The following CPB2 variants were observed in gnomAD, a reference collection of about 807,000 sequenced individuals.
CPB2 encodes the protein carboxypeptidase B2.
In CPB2, 54 loss-of-function variants were observed where a neutral mutation model predicts 57.0. That is an observed-to-expected ratio of 0.95 (90% CI 0.76 to 1.19). The LOEUF (loss-of-function observed/expected upper bound fraction) is 1.19, where lower values mean the gene tolerates loss of function less well. Among genes scored for constraint, CPB2 ranks in the 50% most tolerant of loss-of-function variants. The pLI is 0.00. For synonymous variants in CPB2, 189 were observed against 178.1 expected (o/e 1.06, Z -0.49); for missense variants, 426 against 512.0 (o/e 0.83, Z 1.62).
intron 3 of CPB2, 90 bp from the exon 4 acceptor site, chr13:46,082,639 A>G (rs926564964): frequency 4.3e-5 from 31 of 728,834 alleles, no homozygotes; most frequent in African/African-American, 7.0e-5. Flanking sequence ...GTGAGCATGA[A>G]GAAAAAAAAT....
intron 5 of CPB2, among the ~76,000 whole-genome samples, chr13:46,075,514 C>A (rs2139378980): frequency 6.6e-6 from 1 of 152,326 alleles, no homozygotes; most frequent in East Asian, 1.9e-4. Flanking sequence ...GGACTACACA[C>A]AACATGGCTG....
chr13:46,104,987 A>ACTGCAAGG lies in CPB2; in HGVS notation c.15_22dup (p.Val8AlafsTer25), dbSNP rs749986798. On this transcript the variant is annotated frameshift_variant, in exon 1 of 11. Coordinates refer to ENST00000181383, the MANE Select transcript of CPB2 (RefSeq NM_001872.5). LOFTEE classifies it high-confidence loss of function. The stretch of plus-strand genomic sequence containing the variant: ...ACAGAAGAGAACAATGGGTACAAGG[A>ACTGCAAGG]CTGCAAGGCTGCAAAGCTTCATCCC... 2.5e-6 allele frequency: 4 copies of ACTGCAAGG among 1,614,018 alleles called. No individual in the cohort carries two copies. Among genetic ancestry groups the ACTGCAAGG allele is most frequent in the Admixed American group, 3.3e-5 (2 of 59,994 alleles).
chr13:46,077,673 C>T (rs1005199366), intron 5 of CPB2, among the ~76,000 whole-genome samples: 1 of 136,922 alleles, frequency 7.3e-6, no homozygotes, highest in African/African-American at 2.8e-5. Flanking sequence ...TAGAATCAAC[C>T]TAAGTGTTCT....
At chr13:46,094,463 G>T (rs1372540347) in intron 1 of CPB2, among the ~76,000 whole-genome samples, 1 of 152,164 alleles carries the variant, frequency 6.6e-6, no homozygotes, top group East Asian at 1.9e-4. Context: ...ACTACCCTAG[G>T]TTATTGGCTT....
At chr13:46,089,150 C>CT (rs5803328) in intron 1 of CPB2, among the ~76,000 whole-genome samples, 48,790 of 150,776 alleles carry the variant, frequency 0.32, 8,008 homozygotes, top group Middle Eastern at 0.38. Context: ...AAATAGACTT[C>CT]TTTTTTTTTC....
chr13:46,086,398 G>A (rs1266582382), intron 2 of CPB2, among the ~76,000 whole-genome samples: 2 of 152,180 alleles, frequency 1.3e-5, no homozygotes, highest in Admixed American at 1.3e-4. Flanking sequence ...GAGACTCGCG[G>A]TGGGTAGCTC....
chr13:46,077,503 A>G (rs573348451), intron 5 of CPB2, among the ~76,000 whole-genome samples: 1 of 152,284 alleles, frequency 6.6e-6, no homozygotes, highest in South Asian at 2.1e-4. Context: ...AGCCACTATG[A>G]AAAACCATGT....
At chr13:46,059,281 G>C (rs1450628000) in intron 8 of CPB2, among the ~76,000 whole-genome samples, 1 of 152,074 alleles carries the variant, frequency 6.6e-6, no homozygotes, top group African/African-American at 2.4e-5. Flanking sequence ...AGTAAATACT[G>C]TCATTTTAGG....
At chr13:46,097,646 T>C (rs1339353380) in intron 1 of CPB2, among the ~76,000 whole-genome samples, 1 of 152,178 alleles carries the variant, frequency 6.6e-6, no homozygotes, top group Non-Finnish European at 1.5e-5. Flanking sequence ...GCTATCCTGT[T>C]ACTGAAATAA....
At chr13:46,102,539 A>G (rs1256601241) in intron 1 of CPB2, among the ~76,000 whole-genome samples, 87 of 77,260 alleles carry the variant, frequency 1.1e-3, no homozygotes, top group African/African-American at 4.4e-3. Flanking sequence ...AATGATTATG[A>G]CAAAAAAAAA....
intron 4 of CPB2, among the ~76,000 whole-genome samples, chr13:46,080,663 A>G (rs1233170985): frequency 4.6e-5 from 7 of 152,102 alleles, no homozygotes; most frequent in Non-Finnish European, 1.0e-4. Context: ...CCAGGGATGC[A>G]TGTGCACAAA....
chr13:46,054,015 A>G (rs1245137852), intron 10 of CPB2, among the ~76,000 whole-genome samples: 1 of 152,164 alleles, frequency 6.6e-6, no homozygotes, highest in Non-Finnish European at 1.5e-5. Context: ...TTGCTAGTCT[A>G]AGGCTCTGTA....
Position 46,053,594 on chromosome 13 carries a change from G to T in CPB2, c.*20C>A, listed in dbSNP as rs1359646232. 6.2e-7 allele frequency: 1 copy of T among 1,600,638 alleles called. No homozygotes were observed. The highest frequency in any genetic ancestry group is 2.2e-5 in the East Asian group (1 of 44,602). The stretch of plus-strand genomic sequence containing the variant: ...ATCAGTAAATTAAAATACGGAAGCA[G>T]AATGATAAAATCAGGGGCATTAAAC... On this transcript the variant is annotated 3_prime_UTR_variant, in exon 11 of 11. Transcript: ENST00000181383.
intron 6 of CPB2, among the ~76,000 whole-genome samples, chr13:46,069,840 C>T (rs2044911540): frequency 6.6e-6 from 1 of 152,124 alleles, no homozygotes; most frequent in Non-Finnish European, 1.5e-5. Context: ...CTTGGGTATA[C>T]ACCTAGGAGT....
At chr13:46,086,614 C>T (rs1231231302) in intron 2 of CPB2, among the ~76,000 whole-genome samples, 1 of 152,184 alleles carries the variant, frequency 6.6e-6, no homozygotes, top group Non-Finnish European at 1.5e-5. Context: ...GAAAAATCAC[C>T]GTCAGTTCCC....
chr13:46,058,468 T>C, intron 8 of CPB2, 87 bp from the exon 9 acceptor site: 1 of 1,109,666 alleles, frequency 9.0e-7, no homozygotes, highest in Non-Finnish European at 1.4e-6. Flanking sequence ...TTCTCCTACC[T>C]ATGTTGCAAC....
chr13:46,085,200 A>G (rs528846179), intron 2 of CPB2, among the ~76,000 whole-genome samples: 5 of 152,338 alleles, frequency 3.3e-5, no homozygotes, highest in Non-Finnish European at 5.9e-5. Flanking sequence ...ACGCTTTGAT[A>G]TAGACTAGGC....
intron 9 of CPB2, among the ~76,000 whole-genome samples, chr13:46,056,215 A>C (rs948876715): frequency 6.6e-6 from 1 of 152,210 alleles, no homozygotes; most frequent in African/African-American, 2.4e-5. Flanking sequence ...CAAAATTATC[A>C]CCAAACTTTA....
At chr13:46,058,899 C>T (rs1283849306) in intron 8 of CPB2, among the ~76,000 whole-genome samples, 7 of 152,164 alleles carry the variant, frequency 4.6e-5, no homozygotes, top group Non-Finnish European at 7.3e-5. Flanking sequence ...GCCAGACCAA[C>T]GTTCATTCAT....
Sources: gnomAD v4.1 joint callset for allele counts (sites outside exome capture counted in the v4.1 genomes callset) on GRCh38, gnomAD v4.1.1 for gene constraint, MANE v1.5 for transcripts, NCBI Gene and HGNC (gene_info 2026-07-23, HGNC 2026-07-21) for gene names.